Variants in RAD17 observed in about 807,000 individuals in gnomAD.
RAD17 encodes cell cycle checkpoint protein RAD17.
RAD17 carries 31 observed loss-of-function variants against 81.5 expected under a neutral mutation model. That is an observed-to-expected ratio of 0.38 (90% CI 0.29 to 0.51). RAD17 has a LOEUF of 0.51. RAD17 is among the 20% of genes least tolerant of loss of function. RAD17 has a pLI of 0.88. For synonymous variants in RAD17, 261 were observed against 266.2 expected (o/e 0.98, Z 0.19); for missense variants, 681 against 781.2 (o/e 0.87, Z 1.53).
rs1764083601 is a variant in RAD17 at position 69,384,875 on chromosome 5, A to G, written c.587A>G (p.Asn196Ser). Residue 196 changes from asparagine to serine, a missense_variant, in exon 8 of 19, where the codon AAC becomes AGC. Coordinates refer to ENST00000354868, the MANE Select transcript of RAD17 (RefSeq NM_133338.3). ...KEFLLRATKY[N>S]KLQMLGDDLR... Reference sequence around the variant, plus strand: ...TTTCTACTAAGAGCGACAAAGTATAACAAGTTACAAATGCTTGGAGATGAT... The same window carrying G: ...TTTCTACTAAGAGCGACAAAGTATAGCAAGTTACAAATGCTTGGAGATGAT... 3.7e-6 allele frequency: 6 copies of G among 1,613,070 alleles called. No individual in the cohort carries two copies. The highest frequency in any genetic ancestry group is 1.3e-5 in the African/African-American group (1 of 74,890).
intron 17 of RAD17, among the ~76,000 whole-genome samples, chr5:69,407,568 T>TTG (rs1765691464): frequency 1.7e-5 from 2 of 120,150 alleles, no homozygotes; most frequent in Non-Finnish European, 1.7e-5. Context: ...CCAAGTTTTT[T>TTG]TTTTTTTTTT....
At chr5:69,381,731 AAAAT>A (rs1490270573) in intron 6 of RAD17, among the ~76,000 whole-genome samples, 166 bp from the exon 7 acceptor site, 5 of 152,182 alleles carry the variant, frequency 3.3e-5, no homozygotes, top group South Asian at 4.1e-4. Context: ...AAAAAAGAAA[AAAAT>A]AAAGCTGGTT....
At chr5:69,409,284 C>G (rs981840749) in intron 17 of RAD17, among the ~76,000 whole-genome samples, 4 of 152,056 alleles carry the variant, frequency 2.6e-5, no homozygotes, top group African/African-American at 9.7e-5. Context: ...GGGGACAGTG[C>G]CTTTGGGTTA....
intron 16 of RAD17, among the ~76,000 whole-genome samples, chr5:69,398,469 A>G (rs915212842): frequency 2.0e-5 from 3 of 152,194 alleles, no homozygotes; most frequent in Non-Finnish European, 2.9e-5. Context: ...AGTTTTCAAA[A>G]TGAATTGCCA....
chr5:69,381,634 G>A (rs933048592), intron 6 of RAD17, among the ~76,000 whole-genome samples: 1 of 151,994 alleles, frequency 6.6e-6, no homozygotes, highest in African/African-American at 2.4e-5. Flanking sequence ...TATCAGAAGC[G>A]GAATTGAGAG....
At chr5:69,388,477 T>C (rs1764351160) in intron 11 of RAD17, among the ~76,000 whole-genome samples, 1 of 152,220 alleles carries the variant, frequency 6.6e-6, no homozygotes, top group Non-Finnish European at 1.5e-5. Context: ...AAATACAACC[T>C]GGTCAAAGTG....
Position 69,414,403 on chromosome 5 carries a change from A to C in RAD17, c.*111A>C. On this transcript the variant is annotated 3_prime_UTR_variant, in exon 19 of 19. Coordinates refer to ENST00000354868, the MANE Select transcript of RAD17 (RefSeq NM_133338.3). ...TGATGAATTACACAACAGTTTGTTAATTCTTCATTCTTGTAGTATTTCATC... is the reference window on the plus strand; with the variant it reads ...TGATGAATTACACAACAGTTTGTTACTTCTTCATTCTTGTAGTATTTCATC... 1 of 1,212,732 alleles carries C rather than the reference A, an allele frequency of 8.2e-7. No homozygotes were observed. Among genetic ancestry groups the C allele is most frequent in the Non-Finnish European group, 1.1e-6 (1 of 873,192 alleles). The allele number at this position is 1,212,732 out of a possible 1,614,324, so 75.1% of individuals were successfully genotyped here. A position where few individuals can be genotyped will look rare whatever the true frequency, so the allele number is the denominator to read the frequency against.
rs1286143170 is a variant in RAD17 at position 69,388,621 on chromosome 5, A to G, written c.895-413A>G. Among the ~76,000 whole-genome samples the G allele has an allele frequency of 2.0e-5, 3 of 152,000 alleles. No homozygotes were observed. In the East Asian group the frequency reaches 5.8e-4, roughly 29 times the overall value. The stretch of plus-strand genomic sequence containing the variant: ...TTTAGTTTTTTATTACTATTTTAAG[A>G]TAATTTTTTTTTTCTGGCTCTATTG... On this transcript the variant is annotated intron_variant, in intron 11 of 18. Transcript: ENST00000354868.
intron 12 of RAD17, among the ~76,000 whole-genome samples, chr5:69,390,592 C>G (rs1430042876): frequency 2.6e-5 from 4 of 152,162 alleles, no homozygotes; most frequent in Non-Finnish European, 5.9e-5. Flanking sequence ...TGCCTGGATT[C>G]CAGTCATTCA....
chr5:69,398,655 A>G (rs1391637422), intron 16 of RAD17, among the ~76,000 whole-genome samples: 2 of 151,712 alleles, frequency 1.3e-5, no homozygotes, highest in African/African-American at 4.8e-5. Context: ...AAAATACAAA[A>G]GTTTGCCAGG....
At chr5:69,407,750 C>A (rs1765718373) in intron 17 of RAD17, among the ~76,000 whole-genome samples, 1 of 151,822 alleles carries the variant, frequency 6.6e-6, no homozygotes, top group Non-Finnish European at 1.5e-5. Context: ...CGGGGTTTCG[C>A]CATGTTGGCC....
chr5:69,395,467 G>C (rs867215286), intron 15 of RAD17, among the ~76,000 whole-genome samples: 2 of 152,156 alleles, frequency 1.3e-5, no homozygotes, highest in Admixed American at 6.6e-5. Flanking sequence ...AGCTGTGATC[G>C]TGCCACCACA....
At chr5:69,385,743 A>G (rs1467790025) in intron 8 of RAD17, among the ~76,000 whole-genome samples, 1 of 152,210 alleles carries the variant, frequency 6.6e-6, no homozygotes, top group East Asian at 1.9e-4. Context: ...GCTGTAGGAT[A>G]AGGAATGTTA....
chr5:69,400,510 A>G (rs12516805), intron 17 of RAD17, among the ~76,000 whole-genome samples: 127,897 of 152,026 alleles, frequency 0.84, 55,453 homozygotes, highest in Non-Finnish European at 0.95. Flanking sequence ...GCCACCGCAC[A>G]CGGCCAGAAG....
chr5:69,386,009 A>C, intron 8 of RAD17, 34 bp from the exon 9 acceptor site: 1 of 1,488,788 alleles, frequency 6.7e-7, no homozygotes, highest in Non-Finnish European at 8.9e-7. Flanking sequence ...AATGGAATAA[A>C]ACTATACTAT....
Position 69,374,007 on chromosome 5 carries a change from C to A in RAD17, c.187C>A (p.Gln63Lys). The A allele has an allele frequency of 6.2e-7, 1 of 1,611,906 alleles. No homozygotes were observed. The highest frequency in any genetic ancestry group is 1.3e-5 in the African/African-American group (1 of 74,872). Residue 63 changes from glutamine (Q) to lysine (K), a missense_variant, in exon 5 of 19, where the codon CAG (glutamine) becomes AAG (lysine). Transcript: ENST00000354868. ...AAGAGGAAATCTATCTTCCTTAGAA[C>A]AGATTTATGGTTTAGAAAATTCAAA... Reference protein sequence around the residue: ...RKRGNLSSLEQIYGLENSKEY... With the variant: ...RKRGNLSSLEKIYGLENSKEY...
intron 16 of RAD17, among the ~76,000 whole-genome samples, chr5:69,397,855 C>T (rs1406969561): frequency 3.3e-5 from 5 of 152,188 alleles, no homozygotes; most frequent in Admixed American, 6.5e-5. Context: ...TGGTGGCTCA[C>T]GCCTGTAATC....
rs150902866 is a variant in RAD17 at position 69,384,863 on chromosome 5, C to T, written c.575C>T (p.Ala192Val). 26 of 1,612,004 alleles carry T rather than the reference C, an allele frequency of 1.6e-5. No homozygotes were observed. The highest frequency in any genetic ancestry group is 1.5e-4 in the African/African-American group (11 of 74,636). Residue 192 changes from alanine to valine, a missense_variant, in exon 8 of 19, where the codon GCG (alanine) becomes GTG (valine). Coordinates refer to ENST00000354868, the MANE Select transcript of RAD17 (RefSeq NM_133338.3). The stretch of plus-strand genomic sequence containing the variant: ...GTTTTCAAAGAGTTTCTACTAAGAG[C>T]GACAAAGTATAACAAGTTACAAATG... ...IAVFKEFLLR[A>V]TKYNKLQMLG...
chr5:69,382,534 T>C (rs561253096), intron 7 of RAD17, among the ~76,000 whole-genome samples: 1 of 152,360 alleles, frequency 6.6e-6, no homozygotes, highest in Admixed American at 6.5e-5. Flanking sequence ...GATTAAGTCT[T>C]AACTGTTTTG....
Sources: allele counts gnomAD v4.1 joint callset (sites outside exome capture counted in the v4.1 genomes callset), GRCh38; gene constraint gnomAD v4.1.1; transcripts MANE v1.5; gene names NCBI Gene and HGNC (gene_info 2026-07-23, HGNC 2026-07-21).